The following PAK1 variants were observed in gnomAD, a reference collection of about 807,000 sequenced individuals.
PAK1 encodes p21 (RAC1) activated kinase 1, also known as serine/threonine-protein kinase PAK 1.
Under a neutral mutation model 67.4 loss-of-function variants are expected in PAK1, and 29 were observed. The observed-to-expected ratio is 0.43, with a 90% confidence interval of 0.32 to 0.59. The LOEUF is 0.59. PAK1 is among the 20% of genes least tolerant of loss of function. The pLI is 0.07. For missense variants in PAK1, 337 were observed against 670.7 expected (o/e 0.50, Z 5.50); for synonymous variants, 223 against 237.4 (o/e 0.94, Z 0.56).
the PAK1 span, among the ~76,000 whole-genome samples, chr11:77,526,781 T>G: frequency 6.6e-6 from 1 of 152,044 alleles, no homozygotes; most frequent in Non-Finnish European, 1.5e-5. Context: ...CTGGGTGTAG[T>G]GGCATGCACC....
At chr11:77,382,749 G>A (rs975003481) in intron 2 of PAK1, among the ~76,000 whole-genome samples, 1 of 152,144 alleles carries the variant, frequency 6.6e-6, no homozygotes, top group African/African-American at 2.4e-5. Context: ...TGTAATCCCA[G>A]CACTTTGGGA....
intron 8 of PAK1, among the ~76,000 whole-genome samples, chr11:77,352,132 C>T: frequency 6.6e-6 from 1 of 151,946 alleles, no homozygotes. Flanking sequence ...TTATATCTGG[C>T]TTTTTTCACT....
At chr11:77,525,577 C>T in the PAK1 span, among the ~76,000 whole-genome samples, 5 of 152,130 alleles carry the variant, frequency 3.3e-5, no homozygotes, top group African/African-American at 1.2e-4. Context: ...CCTTACTGAC[C>T]TAATTTCTAC....
At chr11:77,519,647 A>G in the PAK1 span, among the ~76,000 whole-genome samples, 1 of 152,058 alleles carries the variant, frequency 6.6e-6, no homozygotes, top group Middle Eastern at 3.2e-3. Context: ...TCCTAATTCT[A>G]TCATTCCTAC....
chr11:77,478,312 T>C (rs1958081862), upstream of PAK1, among the ~76,000 whole-genome samples: 1 of 152,182 alleles, frequency 6.6e-6, no homozygotes, highest in Admixed American at 6.5e-5. Context: ...AAAATGGTTG[T>C]ACCATTCAGG....
At chr11:77,435,657 CTTTT>C (rs35603502) in intron 1 of PAK1, among the ~76,000 whole-genome samples, 46 of 68,594 alleles carry the variant, frequency 6.7e-4, no homozygotes, top group Non-Finnish European at 1.0e-3. Flanking sequence ...CTACACCTGG[CTTTT>C]TTTTTTTTTT....
chr11:77,442,376 T>C (rs1257798203), intron 1 of PAK1, among the ~76,000 whole-genome samples: 1 of 152,198 alleles, frequency 6.6e-6, no homozygotes, highest in African/African-American at 2.4e-5. Flanking sequence ...TCTGTTTTGA[T>C]TACTCTCCTC....
intron 1 of PAK1, among the ~76,000 whole-genome samples, chr11:77,458,073 C>T (rs889226287): frequency 2.0e-5 from 3 of 152,186 alleles, no homozygotes; most frequent in African/African-American, 7.2e-5. Context: ...AATAAGCATA[C>T]ATAGAGGGGA....
At chr11:77,527,458 A>T in the PAK1 span, among the ~76,000 whole-genome samples, 1 of 152,346 alleles carries the variant, frequency 6.6e-6, no homozygotes, top group Admixed American at 6.5e-5. Flanking sequence ...TAGATACTTT[A>T]TATAGATCAC....
At chr11:77,496,445 G>A in the PAK1 span, among the ~76,000 whole-genome samples, 4 of 151,590 alleles carry the variant, frequency 2.6e-5, no homozygotes, top group African/African-American at 7.3e-5. Context: ...TCAACACAGT[G>A]AAACCCTGGC....
chr11:77,378,380 C>T (rs1210536104), intron 4 of PAK1, among the ~76,000 whole-genome samples: 1 of 152,084 alleles, frequency 6.6e-6, no homozygotes. Context: ...GTCCCTTCTA[C>T]CGAGGGTACA....
At chr11:77,377,935 A>G (rs958867164) in intron 4 of PAK1, among the ~76,000 whole-genome samples, 8 of 152,176 alleles carry the variant, frequency 5.3e-5, no homozygotes, top group Admixed American at 5.2e-4. Context: ...GCCAGACGAG[A>G]GGAAGGAAAT....
intron 8 of PAK1, among the ~76,000 whole-genome samples, chr11:77,350,533 A>G (rs1048745098): frequency 6.6e-6 from 1 of 152,218 alleles, no homozygotes; most frequent in Non-Finnish European, 1.5e-5. Context: ...TAGGTAAGTA[A>G]TTTGTAACAC....
At chr11:77,472,974 A>G (rs755697447) in intron 1 of PAK1, among the ~76,000 whole-genome samples, 3 of 152,088 alleles carry the variant, frequency 2.0e-5, no homozygotes, top group Non-Finnish European at 2.9e-5. Context: ...ACATAAAATA[A>G]CTATAAATCT....
chr11:77,374,192 A>G (rs184053895), intron 5 of PAK1, 136 bp downstream of exon 5: 2 of 483,086 alleles, frequency 4.1e-6, no homozygotes, highest in Admixed American at 7.1e-5. Flanking sequence ...TTTATTGGAT[A>G]GATAGGAATT....
chr11:77,449,903 A>C (rs1956784269), intron 1 of PAK1, among the ~76,000 whole-genome samples: 2 of 152,200 alleles, frequency 1.3e-5, no homozygotes, highest in Admixed American at 6.5e-5. Context: ...ATGCATCTTC[A>C]AGGAGCTTCC....
chr11:77,448,249 G>A (rs912306247), intron 1 of PAK1, among the ~76,000 whole-genome samples: 14 of 152,148 alleles, frequency 9.2e-5, no homozygotes, highest in African/African-American at 3.4e-4. Context: ...CCTGTTGTGA[G>A]GATTGGGAAT....
chr11:77,519,128 T>A, the PAK1 span, among the ~76,000 whole-genome samples: 1 of 152,216 alleles, frequency 6.6e-6, no homozygotes, highest in Non-Finnish European at 1.5e-5. Context: ...TTTTTATACT[T>A]TCCTGATGTT....
At chr11:77,464,656 C>T (rs1314733586) in intron 1 of PAK1, among the ~76,000 whole-genome samples, 1 of 152,200 alleles carries the variant, frequency 6.6e-6, no homozygotes, top group Non-Finnish European at 1.5e-5. Flanking sequence ...ATAAACCCAA[C>T]TTACACTGAA....
Sources: gnomAD v4.1 joint callset for allele counts (sites outside exome capture counted in the v4.1 genomes callset) on GRCh38, gnomAD v4.1.1 for gene constraint, MANE v1.5 for transcripts, NCBI Gene and HGNC (gene_info 2026-07-23, HGNC 2026-07-21) for gene names.